The following RBFOX2 variants were observed in gnomAD, a reference collection of about 807,000 sequenced individuals.
RBFOX2 encodes RNA binding protein fox-1 homolog 2.
In RBFOX2, 10 loss-of-function variants were observed where a neutral mutation model predicts 49.1. The ratio of observed to expected loss-of-function variants is 0.20; its 90% CI spans 0.13 to 0.35. The LOEUF (loss-of-function observed/expected upper bound fraction) is 0.35. Among genes scored for constraint, RBFOX2 ranks in the 10% least tolerant of loss-of-function variants. RBFOX2 has a pLI of 1.00. For missense variants in RBFOX2, 323 were observed against 486.9 expected, an observed-to-expected ratio of 0.66 and a Z score of 3.17; for synonymous variants, 183 against 187.4, an observed-to-expected ratio of 0.98 and a Z score of 0.19.
intron 1 of RBFOX2, among the ~76,000 whole-genome samples, chr22:36,022,868 G>A (rs1287870024): frequency 6.6e-6 from 1 of 152,156 alleles, no homozygotes; most frequent in Non-Finnish European, 1.5e-5. Flanking sequence ...AAGCCAGAAG[G>A]TGGGCCCTCA....
At chr22:35,742,534 T>G (rs1930471542) in exon 12 of RBFOX2, 1 of 152,640 alleles carries the variant, frequency 6.6e-6, no homozygotes, top group South Asian at 2.1e-4. Context: ...TGTCTCTGAA[T>G]TACTCCCTTT....
intron 1 of RBFOX2, among the ~76,000 whole-genome samples, chr22:35,918,004 C>T (rs181726383): frequency 4.6e-5 from 7 of 152,322 alleles, no homozygotes; most frequent in Non-Finnish European, 1.0e-4. Context: ...AGTCATCTAA[C>T]TTCTCTGGAA....
At chr22:35,970,775 C>T (rs990062752) in intron 1 of RBFOX2, among the ~76,000 whole-genome samples, 1 of 152,168 alleles carries the variant, frequency 6.6e-6, no homozygotes, top group African/African-American at 2.4e-5. Flanking sequence ...TATGCCAACA[C>T]AGTATATTTT....
At chr22:36,008,003 C>T (rs1467770368) in intron 1 of RBFOX2, among the ~76,000 whole-genome samples, 4 of 151,964 alleles carry the variant, frequency 2.6e-5, no homozygotes, top group Admixed American at 1.3e-4. Flanking sequence ...TATTCTTATA[C>T]GCAGATGCAA....
At chr22:35,863,525 C>T (rs1368241559) in intron 1 of RBFOX2, among the ~76,000 whole-genome samples, 1 of 152,094 alleles carries the variant, frequency 6.6e-6, no homozygotes, top group Non-Finnish European at 1.5e-5. Context: ...GTTCACTATG[C>T]TCATGCCTTA....
At chr22:35,760,352 A>G (rs1938353370) in intron 8 of RBFOX2, among the ~76,000 whole-genome samples, 1 of 152,194 alleles carries the variant, frequency 6.6e-6, no homozygotes, top group Non-Finnish European at 1.5e-5. Context: ...TGCCATAATA[A>G]GAGACAGACT....
chr22:35,926,821 C>T (rs1401397002), intron 1 of RBFOX2, among the ~76,000 whole-genome samples: 1 of 152,098 alleles, frequency 6.6e-6, no homozygotes, highest in Admixed American at 6.6e-5. Context: ...CCATTACCAC[C>T]AAAGAGTCCT....
intron 1 of RBFOX2, chr22:35,993,282 C>T (rs2058055896): frequency 6.6e-6 from 1 of 152,170 alleles, no homozygotes; most frequent in Admixed American, 6.5e-5. Context: ...TGAACTTTAG[C>T]CACTGGACTC....
intron 1 of RBFOX2, among the ~76,000 whole-genome samples, chr22:35,866,580 A>C (rs2043705524): frequency 6.6e-6 from 1 of 152,186 alleles, no homozygotes; most frequent in Admixed American, 6.5e-5. Context: ...ATTAAACATA[A>C]GATGACTCCT....
At chr22:35,843,213 T>G (rs1451289006), upstream of RBFOX2, among the ~76,000 whole-genome samples, 1 of 152,024 alleles carries the variant, frequency 6.6e-6, no homozygotes, top group Non-Finnish European at 1.5e-5. Context: ...GAGAAAATCA[T>G]TTTAGGACAT....
intron 2 of RBFOX2, among the ~76,000 whole-genome samples, chr22:35,784,584 T>C (rs1170437996): frequency 6.6e-6 from 1 of 152,254 alleles, no homozygotes; most frequent in Non-Finnish European, 1.5e-5. Flanking sequence ...AGGCTTCCAC[T>C]GCCCAAGGGC....
At chr22:35,946,057 T>C (rs191430548) in intron 1 of RBFOX2, among the ~76,000 whole-genome samples, 1 of 152,284 alleles carries the variant, frequency 6.6e-6, no homozygotes, top group African/African-American at 2.4e-5. Context: ...TAAAATCTGA[T>C]ACAGGATTTA....
chr22:36,026,553 C>T (rs919605040), intron 1 of RBFOX2, among the ~76,000 whole-genome samples: 6 of 151,704 alleles, frequency 4.0e-5, no homozygotes, highest in African/African-American at 1.2e-4. Context: ...CACACACACA[C>T]ACACACACAC....
rs975579756 is a variant in RBFOX2, at chr22:35,759,532, T to C, written c.887+356A>G. Among the ~76,000 whole-genome samples, 1 of 152,146 alleles carries C rather than the reference T, an allele frequency of 6.6e-6. No individual in the cohort carries two copies. The highest frequency in any genetic ancestry group is 2.4e-5 in the African/African-American group (1 of 41,406). On this transcript the variant is annotated intron_variant, in intron 9 of 11. Transcript: ENST00000405409. The surrounding 1 kb of genome is among the most constrained non-coding windows in gnomAD (Gnocchi z 4.6). ...GCAGATGCAGGCTTGTACTACAATC[T>C]TGAGCTCCTCTTTTGGTTCTCTGCA... is the stretch of plus-strand genomic sequence containing the variant.
At chr22:35,984,792 G>A (rs750096023) in intron 1 of RBFOX2, among the ~76,000 whole-genome samples, 3 of 152,116 alleles carry the variant, frequency 2.0e-5, no homozygotes, top group Non-Finnish European at 2.9e-5. Context: ...GCTCACCCCA[G>A]TATCTATGTC....
intron 1 of RBFOX2, chr22:35,897,945 A>G (rs1241780202): frequency 2.6e-6 from 2 of 767,964 alleles, no homozygotes; most frequent in Non-Finnish European, 4.7e-6. Flanking sequence ...TGGACACCTG[A>G]GCAATTGCTT....
chr22:35,753,619 T>TGAGC (rs1935767597), intron 9 of RBFOX2, among the ~76,000 whole-genome samples: 1 of 151,294 alleles, frequency 6.6e-6, no homozygotes, highest in African/African-American at 2.4e-5. Context: ...GGTAATCCAG[T>TGAGC]TAGTAGATTA....
chr22:35,906,528 C>T (rs889837977), intron 1 of RBFOX2, among the ~76,000 whole-genome samples: 9 of 152,124 alleles, frequency 5.9e-5, no homozygotes, highest in Admixed American at 4.6e-4. Context: ...TTACTTAAAA[C>T]CTCATTCTAT....
chr22:35,786,916 T>C (rs1270988511), intron 2 of RBFOX2, among the ~76,000 whole-genome samples: 3 of 152,104 alleles, frequency 2.0e-5, no homozygotes, highest in African/African-American at 4.8e-5. Context: ...CGAGAACCCA[T>C]ACGAACCCCA....
Sources: allele counts gnomAD v4.1 joint callset (sites outside exome capture counted in the v4.1 genomes callset), GRCh38; gene constraint gnomAD v4.1.1; non-coding constraint Gnocchi (gnomAD v3.1); transcripts MANE v1.5; gene names NCBI Gene and HGNC (gene_info 2026-07-23, HGNC 2026-07-21).